The following ACSM2B variants were observed in gnomAD, a reference collection of about 807,000 sequenced individuals.
ACSM2B encodes the protein acyl-coenzyme A synthetase ACSM2B, mitochondrial.
ACSM2B carries 58 observed loss-of-function variants against 78.6 expected under a neutral mutation model. That is an observed-to-expected ratio of 0.74 (90% CI 0.60 to 0.92). ACSM2B has a LOEUF of 0.92. Among genes scored for constraint, ACSM2B ranks in the 40% least tolerant of loss-of-function variants. The pLI is 0.00. For missense variants in ACSM2B, 688 were observed against 711.2 expected (o/e 0.97, Z 0.37); for synonymous variants, 257 against 256.8 (o/e 1.00, Z -0.01).
At chr16:20,566,949 A>C (rs1461334423) in intron 1 of ACSM2B, among the ~76,000 whole-genome samples, 1 of 118,904 alleles carries the variant, frequency 8.4e-6, no homozygotes, top group African/African-American at 3.3e-5. Context: ...ACTATTATAT[A>C]TCATATATAT....
At chr16:20,550,672 G>T (rs1255789054) in intron 6 of ACSM2B, among the ~76,000 whole-genome samples, 2 of 152,096 alleles carry the variant, frequency 1.3e-5, no homozygotes, top group African/African-American at 4.8e-5. Context: ...TTGAACCTTT[G>T]CTGCAGCCAA....
Position 20,537,175 on chromosome 16 carries a change from A to G in ACSM2B, c.*83T>C, listed in dbSNP as rs2152129545. 1 of 1,498,100 alleles carries G rather than the reference A, an allele frequency of 6.7e-7. No homozygotes were observed. The highest frequency in any genetic ancestry group is 1.2e-5 in the South Asian group (1 of 84,796). 92.8% of individuals were successfully genotyped at this position (1,498,100 alleles called of 1,614,324 possible). ...TTCATGTTCTTTCATAAAGAATCTC[A>G]TATCATCATAGTAAGGCCAAGGGCC... On this transcript the variant is annotated 3_prime_UTR_variant, in exon 14 of 14. Transcript: ENST00000329697.
chr16:20,567,639 T>C (rs1316191501), intron 1 of ACSM2B, among the ~76,000 whole-genome samples: 1 of 137,010 alleles, frequency 7.3e-6, no homozygotes, highest in African/African-American at 2.7e-5. Flanking sequence ...TCTATATCTA[T>C]ATATACTATG....
At chr16:20,548,601 A>G (rs1027612759) in intron 6 of ACSM2B, 128 bp from the exon 7 acceptor site, 1 of 1,561,704 alleles carries the variant, frequency 6.4e-7, no homozygotes, top group African/African-American at 1.4e-5. Flanking sequence ...CTTGTTTACT[A>G]TGTCTGATTC....
intron 1 of ACSM2B, among the ~76,000 whole-genome samples, chr16:20,565,441 G>C (rs1339757253): frequency 6.6e-6 from 1 of 152,134 alleles, no homozygotes; most frequent in Non-Finnish European, 1.5e-5. Context: ...ATGTGGAGTT[G>C]AGCTGAGCCT....
chr16:20,543,008 C>G lies in ACSM2B; in HGVS notation c.1415G>C (p.Arg472Pro). 1 of 1,613,606 alleles carries G rather than the reference C, an allele frequency of 6.2e-7. No individual in the cohort carries two copies. The highest frequency in any genetic ancestry group is 8.5e-7 in the Non-Finnish European group (1 of 1,179,864). The change falls in exon 12 of 14, where the codon CGG becomes CCG. Residue 472 changes from arginine (R) to proline (P), a missense_variant. Transcript: ENST00000329697. ...ATTCTCTACCTCCGAGGGTCCAATC[C>G]GGTACCTGCAGAAGAACCTGTCCTT... ...ADDIINSSGY[R>P]IGPSEVENAL...
At chr16:20,573,417 G>C (rs996728662) in intron 1 of ACSM2B, among the ~76,000 whole-genome samples, 4 of 149,984 alleles carry the variant, frequency 2.7e-5, no homozygotes, top group African/African-American at 7.5e-5. Flanking sequence ...TCAGACAAAG[G>C]TGGAAAGGCT....
chr16:20,569,786 G>T (rs1427715606), intron 1 of ACSM2B, among the ~76,000 whole-genome samples: 1 of 150,690 alleles, frequency 6.6e-6, no homozygotes. Context: ...ATAGGTCTTT[G>T]GTTAGGTATA....
At position 20,537,191 on chromosome 16, in the gene ACSM2B, G is replaced by A. The variant is rs1426323342; in HGVS notation, c.*67C>T. ...AAGAATCTCATATCATCATAGTAAGGCCAAGGGCCCAAAGGGAAAAGAAAG... is the reference window on the plus strand; with the variant it reads ...AAGAATCTCATATCATCATAGTAAGACCAAGGGCCCAAAGGGAAAAGAAAG... On this transcript the variant is annotated 3_prime_UTR_variant, in exon 14 of 14. Coordinates refer to ENST00000329697, the MANE Select transcript of ACSM2B (RefSeq NM_001105069.2). 3 of 1,577,198 alleles carry A rather than the reference G, an allele frequency of 1.9e-6. No individual in the cohort carries two copies. The highest frequency in any genetic ancestry group is 2.6e-6 in the Non-Finnish European group (3 of 1,149,160).
chr16:20,538,805 G>A (rs993338173), intron 13 of ACSM2B, among the ~76,000 whole-genome samples: 19 of 152,114 alleles, frequency 1.2e-4, no homozygotes, highest in Non-Finnish European at 1.5e-5. Flanking sequence ...AGTGGTGGAG[G>A]TGAATGTTGA....
At chr16:20,572,924 T>A (rs1194228797) in intron 1 of ACSM2B, among the ~76,000 whole-genome samples, 4 of 151,582 alleles carry the variant, frequency 2.6e-5, no homozygotes, top group African/African-American at 9.7e-5. Flanking sequence ...TTATGATTGT[T>A]TTTATGTATG....
intron 3 of ACSM2B, among the ~76,000 whole-genome samples, chr16:20,556,015 T>G (rs923993854): frequency 6.6e-6 from 1 of 152,062 alleles, no homozygotes; most frequent in Non-Finnish European, 1.5e-5. Context: ...CAAAGCGGTA[T>G]TATAATTTTT....
intron 1 of ACSM2B, among the ~76,000 whole-genome samples, chr16:20,565,149 G>A (rs146342595): frequency 1.3e-4 from 20 of 152,176 alleles, no homozygotes; most frequent in African/African-American, 4.8e-4. Flanking sequence ...AATACAGTGG[G>A]TCATAGATGG....
intron 6 of ACSM2B, among the ~76,000 whole-genome samples, chr16:20,551,180 A>T (rs2015299024): frequency 6.6e-6 from 1 of 152,158 alleles, no homozygotes. Flanking sequence ...GGATTAACTT[A>T]TGGGGGGCAG....
At chr16:20,571,870 G>T (rs369875423) in intron 1 of ACSM2B, among the ~76,000 whole-genome samples, 7,419 of 151,114 alleles carry the variant, frequency 0.049, 233 homozygotes, top group African/African-American at 0.09. Context: ...AGTTTGTTTT[G>T]TCTGTTATAA....
At chr16:20,564,507 T>G (rs553189971) in intron 2 of ACSM2B, among the ~76,000 whole-genome samples, 162 bp downstream of exon 2, 1 of 152,176 alleles carries the variant, frequency 6.6e-6, no homozygotes, top group Admixed American at 6.5e-5. Context: ...TGCTGTCTCT[T>G]TCCCATACCA....
At chr16:20,572,466 T>A (rs376784117) in intron 1 of ACSM2B, among the ~76,000 whole-genome samples, 16 of 133,464 alleles carry the variant, frequency 1.2e-4, no homozygotes, top group African/African-American at 3.5e-4. Context: ...CAGGTTTTCC[T>A]TTATAGATTA....
intron 1 of ACSM2B, among the ~76,000 whole-genome samples, chr16:20,565,752 A>C (rs1203541175): frequency 6.6e-6 from 1 of 151,998 alleles, no homozygotes; most frequent in Non-Finnish European, 1.5e-5. Flanking sequence ...TACACTTAAC[A>C]CTTACAGTAT....
chr16:20,552,447 G>T, intron 5 of ACSM2B, 150 bp from the exon 6 acceptor site: 1 of 1,219,298 alleles, frequency 8.2e-7, no homozygotes, highest in Non-Finnish European at 1.1e-6. Context: ...TTAAGTATAA[G>T]TAGGAAGGGG....
Sources: gnomAD v4.1 joint callset for allele counts (sites outside exome capture counted in the v4.1 genomes callset) on GRCh38, gnomAD v4.1.1 for gene constraint, MANE v1.5 for transcripts, NCBI Gene and HGNC (gene_info 2026-07-23, HGNC 2026-07-21) for gene names.